FBXW11: variants seen among roughly 807,000 people sequenced by gnomAD.
The protein encoded by FBXW11 is F-box/WD repeat-containing protein 11.
A neutral mutation model predicts 77.6 loss-of-function variants in FBXW11; 19 were observed. That is an observed-to-expected ratio of 0.24 (90% CI 0.17 to 0.36). The LOEUF (loss-of-function observed/expected upper bound fraction) is 0.36. Ranked by LOEUF, FBXW11 falls within the 10% of genes least tolerant of loss-of-function variation. The pLI is 1.00. For missense variants in FBXW11, 334 were observed against 704.2 expected (o/e 0.47, Z 5.95); for synonymous variants, 235 against 249.4 (o/e 0.94, Z 0.54).
In FBXW11 at chr5:171,872,219, A is replaced by C. The variant is rs1757795135; in HGVS notation, c.1340+653T>G. ...TTTGCTTGCCTGCCTTTAAAAAACA[A>C]AAAACTTTTTTTAATAATCTTGAAT... On this transcript the variant is annotated intron_variant, in intron 10 of 13. Coordinates refer to ENST00000517395, the MANE Select transcript of FBXW11 (RefSeq NM_001378974.1). 3.3e-5 allele frequency among the ~76,000 whole-genome samples: 5 copies of C among 152,352 alleles called. 1 individual carries two copies. The South Asian group carries it at 1.0e-3, about 32-fold the overall frequency.
intron 1 of FBXW11, among the ~76,000 whole-genome samples, chr5:171,972,015 T>C (rs1423901805): frequency 2.6e-5 from 4 of 151,606 alleles, no homozygotes; most frequent in African/African-American, 9.7e-5. Flanking sequence ...GAGAATTGCT[T>C]GAGCCCAGGA....
chr5:171,919,992 C>T (rs1204119778), intron 2 of FBXW11, among the ~76,000 whole-genome samples: 3 of 151,976 alleles, frequency 2.0e-5, no homozygotes, highest in African/African-American at 7.3e-5. Flanking sequence ...CCCATCTCTA[C>T]TAAAAATACA....
At chr5:171,895,928 C>G (rs1338218280) in intron 6 of FBXW11, among the ~76,000 whole-genome samples, 1 of 152,210 alleles carries the variant, frequency 6.6e-6, no homozygotes, top group Non-Finnish European at 1.5e-5. Flanking sequence ...CAGAGGCCCT[C>G]TAAACCCTCT....
At chr5:171,877,194 G>T (rs1758145244) in intron 8 of FBXW11, among the ~76,000 whole-genome samples, 1 of 152,130 alleles carries the variant, frequency 6.6e-6, no homozygotes. Context: ...ATTTAGGGAC[G>T]GTGTTTGCAG....
intron 9 of FBXW11, among the ~76,000 whole-genome samples, chr5:171,875,358 G>A (rs574267616): frequency 3.3e-5 from 5 of 152,098 alleles, no homozygotes; most frequent in Non-Finnish European, 5.9e-5. Context: ...AGAAATAAAA[G>A]GCCACATAAG....
At chr5:171,958,228 G>A (rs1044436301) in intron 1 of FBXW11, among the ~76,000 whole-genome samples, 1 of 152,150 alleles carries the variant, frequency 6.6e-6, no homozygotes, top group African/African-American at 2.4e-5. Flanking sequence ...GGAGGGGAGA[G>A]CCAGAATTTC....
chr5:171,987,777 T>G lies in FBXW11; in HGVS notation c.45+18681A>C, dbSNP rs529522536. Among the ~76,000 whole-genome samples the G allele has an allele frequency of 3.5e-3, 540 of 152,256 alleles. 3 individuals carry two copies. Among genetic ancestry groups the G allele is most frequent in the African/African-American group, 0.012 (517 of 41,564 alleles). On this transcript the variant is annotated intron_variant, in intron 1 of 13. Transcript: ENST00000517395. ...CAAGGGTAAGTTTTTAAAATATCCC[T>G]TATGAAATTTCCTTCCTTTTCTAAC...
intron 2 of FBXW11, among the ~76,000 whole-genome samples, chr5:171,945,548 G>A (rs1234421563): frequency 6.6e-6 from 1 of 152,062 alleles, no homozygotes. Context: ...ATAATATATG[G>A]GAAAGAGCTT....
intron 1 of FBXW11, among the ~76,000 whole-genome samples, chr5:171,995,751 T>A (rs1161531978): frequency 6.7e-6 from 1 of 149,752 alleles, no homozygotes; most frequent in African/African-American, 2.5e-5. Flanking sequence ...AGACTCCGCC[T>A]CAAAAAAAAA....
rs1760349274 is a variant in FBXW11, at chr5:171,904,566, T to A, written c.437-4466A>T. ...TAAGGCCCAGGAATCTGGGTGTGGT[T>A]TTTTTGTTGTTGTTGTTGTTTTTGG... On this transcript the variant is annotated intron_variant, in intron 4 of 13. Coordinates refer to ENST00000517395, the MANE Select transcript of FBXW11 (RefSeq NM_001378974.1). The surrounding 1 kb of genome is among the most constrained non-coding windows in gnomAD (Gnocchi z 4.0). Among the ~76,000 whole-genome samples the A allele has an allele frequency of 6.6e-6, 1 of 151,982 alleles. No homozygotes were observed.
intron 2 of FBXW11, among the ~76,000 whole-genome samples, chr5:171,947,950 T>C (rs1305891865): frequency 6.6e-6 from 1 of 151,986 alleles, no homozygotes; most frequent in Non-Finnish European, 1.5e-5. Context: ...AAAATAAAAA[T>C]GTAGGCCAGG....
In FBXW11 at chr5:171,869,770, G is replaced by C. The variant is rs1183202911; in HGVS notation, c.1489C>G (p.Pro497Ala). ...CACAATGTGCTTGCTGGGGCTCGAG[G>C]GTCAAGAGCAGCTTGCAAGTCCCAA... ...KVWDLQAALD[P>A]RAPASTLCLR... The change falls in exon 12 of 14, where the codon CCT becomes GCT. Residue 497 changes from proline (P) to alanine (A), a missense_variant. This residue lies in a region of FBXW11 where 30 missense variants were observed against 50.7 expected (regional missense o/e 0.59). Coordinates refer to ENST00000517395, the MANE Select transcript of FBXW11 (RefSeq NM_001378974.1). The surrounding 1 kb of genome is among the most constrained non-coding windows in gnomAD (Gnocchi z 4.1). 2 of 1,610,962 alleles carry C rather than the reference G, an allele frequency of 1.2e-6. No individual in the cohort carries two copies. The highest frequency in any genetic ancestry group is 2.7e-5 in the African/African-American group (2 of 74,730).
At chr5:171,872,744 G>T in intron 10 of FBXW11, 128 bp downstream of exon 10, 1 of 704,714 alleles carries the variant, frequency 1.4e-6, no homozygotes, top group Non-Finnish European at 2.5e-6. Flanking sequence ...ATTTCTAAAA[G>T]TTACCTAAAG....
intron 7 of FBXW11, among the ~76,000 whole-genome samples, chr5:171,887,578 A>G (rs1275625513): frequency 6.6e-6 from 1 of 152,112 alleles, no homozygotes; most frequent in African/African-American, 2.4e-5. Context: ...GACAACAGGT[A>G]GATGTGGCAA....
Position 171,869,328 on chromosome 5 carries a change from T to A in FBXW11, c.1530+401A>T, listed in dbSNP as rs1403335686. Reference sequence around the variant, plus strand: ...ATCTACCAATATTTCCAAATGACTATCTCTTCAAAAATATAACAGTACTTA... The same window carrying A: ...ATCTACCAATATTTCCAAATGACTAACTCTTCAAAAATATAACAGTACTTA... On this transcript the variant is annotated intron_variant, in intron 12 of 13. Coordinates refer to ENST00000517395, the MANE Select transcript of FBXW11 (RefSeq NM_001378974.1). The surrounding 1 kb of genome is among the most constrained non-coding windows in gnomAD (Gnocchi z 4.1). 6.6e-6 allele frequency among the ~76,000 whole-genome samples: 1 copy of A among 152,160 alleles called. No homozygotes were observed.
intron 1 of FBXW11, among the ~76,000 whole-genome samples, chr5:171,967,406 G>A (rs958423343): frequency 6.6e-6 from 1 of 152,114 alleles, no homozygotes; most frequent in Non-Finnish European, 1.5e-5. Context: ...CATGCTATAC[G>A]AATATATTTA....
At chr5:171,890,270 C>T (rs1367292254) in intron 7 of FBXW11, among the ~76,000 whole-genome samples, 1 of 152,094 alleles carries the variant, frequency 6.6e-6, no homozygotes, top group African/African-American at 2.4e-5. Context: ...GCTGCTCACG[C>T]CCGTAATCCC....
rs1352590770 is a variant in FBXW11 at position 171,904,481 on chromosome 5, G to C, written c.437-4381C>G. Among the ~76,000 whole-genome samples the C allele has an allele frequency of 1.3e-5, 2 of 151,958 alleles. No individual in the cohort carries two copies. Among genetic ancestry groups the C allele is most frequent in the African/African-American group, 4.8e-5 (2 of 41,362 alleles). On this transcript the variant is annotated intron_variant, in intron 4 of 13. Coordinates refer to ENST00000517395, the MANE Select transcript of FBXW11 (RefSeq NM_001378974.1). The surrounding 1 kb of genome is among the most constrained non-coding windows in gnomAD (Gnocchi z 4.0). ...AGGGTTACTGATTTTCAAAACAACAGCAAAAAGAAAAGATCCCCCCAATCT... is the reference window on the plus strand; with the variant it reads ...AGGGTTACTGATTTTCAAAACAACACCAAAAAGAAAAGATCCCCCCAATCT...
At chr5:171,867,135 T>C (rs149545687) in intron 13 of FBXW11, among the ~76,000 whole-genome samples, 1 of 152,326 alleles carries the variant, frequency 6.6e-6, no homozygotes, top group African/African-American at 2.4e-5. Context: ...ATTCCTGATG[T>C]AGACCCTTGG....
Sources: gnomAD v4.1 joint callset for allele counts (sites outside exome capture counted in the v4.1 genomes callset) on GRCh38, gnomAD v4.1.1 for gene constraint, gnomAD v4.1.1 regional missense constraint, Gnocchi (gnomAD v3.1) non-coding constraint, MANE v1.5 for transcripts, NCBI Gene and HGNC (gene_info 2026-07-23, HGNC 2026-07-21) for gene names.